Variants in ADAM10 observed in about 807,000 individuals in gnomAD.
ADAM10 encodes the protein ADAM metallopeptidase domain 10, also known as disintegrin and metalloproteinase domain-containing protein 10.
ADAM10 carries 17 observed loss-of-function variants against 90.1 expected under a neutral mutation model. That is an observed-to-expected ratio of 0.19 (90% CI 0.13 to 0.28). The LOEUF is 0.28. Ranked by LOEUF, ADAM10 falls within the 10% of genes least tolerant of loss-of-function variation. The pLI is 1.00. For missense variants in ADAM10, 610 were observed against 914.3 expected (o/e 0.67, Z 4.29); for synonymous variants, 310 against 298.6 (o/e 1.04, Z -0.40).
chr15:58,743,203 G>C (rs1311749921), intron 1 of ADAM10, among the ~76,000 whole-genome samples: 4 of 152,096 alleles, frequency 2.6e-5, no homozygotes, highest in South Asian at 2.1e-4. Context: ...CGGTGGCGGG[G>C]GGCGGGGGTT....
intron 3 of ADAM10, 139 bp from the exon 4 acceptor site, chr15:58,679,421 A>T (rs1897369524): frequency 1.3e-6 from 1 of 780,838 alleles, no homozygotes; most frequent in Non-Finnish European, 2.1e-6. Context: ...AATCTTGAAT[A>T]TAAATTTACT....
intron 13 of ADAM10, 114 bp downstream of exon 13, chr15:58,610,885 G>T: frequency 1.2e-6 from 1 of 810,442 alleles, no homozygotes; most frequent in Non-Finnish European, 2.2e-6. Flanking sequence ...CAAGAGGACA[G>T]ATTTAGCTGG....
At chr15:58,684,789 G>C (rs1897541276) in intron 2 of ADAM10, among the ~76,000 whole-genome samples, 1 of 152,218 alleles carries the variant, frequency 6.6e-6, no homozygotes, top group African/African-American at 2.4e-5. Flanking sequence ...CGAAGTACAG[G>C]TGGCGCAGGA....
chr15:58,611,189 G>A, intron 12 of ADAM10, 82 bp from the exon 13 acceptor site: 1 of 953,018 alleles, frequency 1.0e-6, no homozygotes, highest in South Asian at 1.3e-5. Context: ...GCAAGTATGA[G>A]CTTCCAATGT....
Position 58,597,415 on chromosome 15 carries a change from T to G in ADAM10, c.*132A>C. 1 of 1,559,002 alleles carries G rather than the reference T, an allele frequency of 6.4e-7. No homozygotes were observed. The highest frequency in any genetic ancestry group is 8.7e-7 in the Non-Finnish European group (1 of 1,150,360). On this transcript the variant is annotated 3_prime_UTR_variant, in exon 16 of 16. Coordinates refer to ENST00000260408, the MANE Select transcript of ADAM10 (RefSeq NM_001110.4). Reference sequence around the variant, plus strand: ...AGTAATTCCACCTGGTCTGAGGATATGATCTCTTGCCATTTTTTCTTCAAC... The same window carrying G: ...AGTAATTCCACCTGGTCTGAGGATAGGATCTCTTGCCATTTTTTCTTCAAC...
At chr15:58,684,710 C>G (rs1159796669) in intron 2 of ADAM10, among the ~76,000 whole-genome samples, 1 of 152,196 alleles carries the variant, frequency 6.6e-6, no homozygotes, top group Non-Finnish European at 1.5e-5. Flanking sequence ...TGAGTTCTGT[C>G]AGCCAGGTTA....
chr15:58,653,613 T>C (rs1896741009), intron 5 of ADAM10, among the ~76,000 whole-genome samples: 1 of 152,206 alleles, frequency 6.6e-6, no homozygotes, highest in African/African-American at 2.4e-5. Context: ...AAATTCAGTT[T>C]GCTAGTATTT....
At chr15:58,632,626 C>T (rs753471624) in intron 9 of ADAM10, among the ~76,000 whole-genome samples, 4 of 152,162 alleles carry the variant, frequency 2.6e-5, no homozygotes, top group Admixed American at 6.5e-5. Flanking sequence ...GGGCGTATAA[C>T]GCTTTGTTGC....
intron 2 of ADAM10, among the ~76,000 whole-genome samples, chr15:58,690,321 G>T (rs1009844618): frequency 6.6e-6 from 1 of 152,092 alleles, no homozygotes; most frequent in Non-Finnish European, 1.5e-5. Context: ...CTAAGATTGG[G>T]AAGAAGGTAA....
intron 1 of ADAM10, among the ~76,000 whole-genome samples, chr15:58,731,389 C>G (rs528474045): frequency 3.7e-4 from 56 of 152,114 alleles, no homozygotes; most frequent in Admixed American, 3.2e-3. Context: ...GGGGCCGAGG[C>G]GGGCAGATCG....
At chr15:58,718,140 T>A (rs1248052878) in intron 1 of ADAM10, among the ~76,000 whole-genome samples, 5 of 151,230 alleles carry the variant, frequency 3.3e-5, no homozygotes, top group African/African-American at 4.9e-5. Context: ...CTAATAAAAA[T>A]AAAAAATAAA....
intron 8 of ADAM10, among the ~76,000 whole-genome samples, chr15:58,633,736 T>C (rs1198900571): frequency 6.6e-6 from 1 of 152,134 alleles, no homozygotes; most frequent in Non-Finnish European, 1.5e-5. Flanking sequence ...TAAAAAGAAA[T>C]CTTATGATTT....
chr15:58,684,809 G>A (rs893255478), intron 2 of ADAM10, among the ~76,000 whole-genome samples: 35 of 152,160 alleles, frequency 2.3e-4, no homozygotes, highest in African/African-American at 7.7e-4. Context: ...ACTTACAAAT[G>A]GTGTCTGAAG....
At chr15:58,736,995 T>C (rs986055866) in intron 1 of ADAM10, among the ~76,000 whole-genome samples, 2 of 151,926 alleles carry the variant, frequency 1.3e-5, no homozygotes, top group Admixed American at 6.6e-5. Flanking sequence ...AAAAATCACA[T>C]GCAAGAGTGG....
intron 11 of ADAM10, among the ~76,000 whole-genome samples, chr15:58,616,261 T>C (rs541707807): frequency 3.3e-5 from 5 of 152,352 alleles, no homozygotes; most frequent in Admixed American, 6.5e-5. Flanking sequence ...ATTAGAACTA[T>C]ACTTTAGACC....
chr15:58,672,904 A>T (rs1897231368), intron 4 of ADAM10: 1 of 178,540 alleles, frequency 5.6e-6, no homozygotes, highest in East Asian at 1.3e-4. Flanking sequence ...GAGGAAGAGA[A>T]GAAAGATGAA....
intron 2 of ADAM10, chr15:58,691,560 A>T (rs764671324): frequency 3.8e-6 from 2 of 523,982 alleles, no homozygotes; most frequent in African/African-American, 1.9e-5. Flanking sequence ...TCGCCAGTTA[A>T]TAGAGTCCTC....
Position 58,717,699 on chromosome 15 carries a change from A to G in ADAM10, c.84T>C (p.Tyr28=), listed in dbSNP as rs756304927. ...AAGATAATCCTTCATAATGTCTGAT[A>G]TATTTATTTAAAGGATTCCCATACT... ...GGQYGNPLNK[Y]IRHYEGLSYN... The change falls in exon 2 of 16, where the codon TAT becomes TAC. Residue 28 remains tyrosine (Y), a synonymous_variant. Coordinates refer to ENST00000260408, the MANE Select transcript of ADAM10 (RefSeq NM_001110.4). 8.7e-6 allele frequency: 14 copies of G among 1,613,164 alleles called. No homozygotes were observed. In the East Asian group the frequency reaches 2.9e-4, roughly 33 times the overall value.
chr15:58,623,004 C>T lies in ADAM10; in HGVS notation c.1361-1383G>A, dbSNP rs16940604. On this transcript the variant is annotated intron_variant, in intron 10 of 15. Transcript: ENST00000260408. ...CTCTTTTCTTTCTCCTACACCAAAT[C>T]GACATGGAAAACAGTCATTGTACAG... Among the ~76,000 whole-genome samples the T allele has an allele frequency of 4.6e-3, 697 of 152,188 alleles. 7 individuals are homozygous for T. The highest frequency in any genetic ancestry group is 0.016 in the African/African-American group (660 of 41,516).
Sources: gnomAD v4.1 joint callset for allele counts (sites outside exome capture counted in the v4.1 genomes callset) on GRCh38, gnomAD v4.1.1 for gene constraint, MANE v1.5 for transcripts, NCBI Gene and HGNC (gene_info 2026-07-23, HGNC 2026-07-21) for gene names.